The following PACS2 variants were observed in gnomAD, a reference collection of about 807,000 sequenced individuals.
PACS2 encodes PACS1-like protein.
Under a neutral mutation model 113.0 loss-of-function variants are expected in PACS2, and 36 were observed. The observed-to-expected ratio is 0.32, with a 90% CI of 0.24 to 0.42. PACS2 has a LOEUF of 0.42. Ranked by LOEUF, PACS2 falls within the 10% of genes least tolerant of loss-of-function variation. PACS2 has a pLI of 1.00. For synonymous variants in PACS2, 589 were observed against 536.1 expected (o/e 1.10, Z -1.36); for missense variants, 1,015 against 1,239.5 (o/e 0.82, Z 2.72).
rs185181549 is a variant in PACS2, at chr14:105,357,023, G to T, written c.423+1846G>T. On this transcript the variant is annotated intron_variant, in intron 4 of 24. Transcript: ENST00000447393. This position sits in a 1 kb window ranked among gnomAD's most constrained non-coding sequence, Gnocchi z 5.1. ...TGCTGGTCCCTGTGTAGCCATGCAGGTGATGTCCTGCTGATCCCTGCCGGT... is the reference window on the plus strand; with the variant it reads ...TGCTGGTCCCTGTGTAGCCATGCAGTTGATGTCCTGCTGATCCCTGCCGGT... Among the ~76,000 whole-genome samples the T allele has an allele frequency of 1.2e-4, 18 of 152,206 alleles. No individual in the cohort carries two copies. Among genetic ancestry groups the T allele is most frequent in the Admixed American group, 1.2e-3 (18 of 15,290 alleles).
intron 14 of PACS2, 32 bp from the exon 15 acceptor site, chr14:105,382,775 G>A: frequency 2.8e-6 from 4 of 1,412,988 alleles, no homozygotes; most frequent in Non-Finnish European, 3.9e-6. Context: ...GGGCGGCTGT[G>A]CCGAAGTCAG....
In PACS2 at chr14:105,305,656, A is replaced by T. The variant is rs1018810267; in HGVS notation, c.-83+4677A>T. Among the ~76,000 whole-genome samples the T allele has an allele frequency of 3.3e-5, 5 of 152,376 alleles. No homozygotes were observed. The East Asian group carries it at 5.8e-4, about 18-fold the overall frequency. On this transcript the variant is annotated intron_variant, in intron 1 of 23. Coordinates refer to the PACS2 transcript ENST00000430725. ...CTCCCCACGTGATGTGAAGGCATAA[A>T]GAATGGAGCCAGGTTAGAGGGAGAA... is the stretch of plus-strand genomic sequence containing the variant.
rs1475338298 is a variant in PACS2, at chr14:105,356,176, C to T, written c.423+999C>T. ...TAGCTGGTTCCCCCACACCCCCAGG[C>T]CCAGCCTGCAGGCCTCCTGTCTCCC... On this transcript the variant is annotated intron_variant, in intron 4 of 24. Transcript: ENST00000447393. This position sits in a 1 kb window ranked among gnomAD's most constrained non-coding sequence, Gnocchi z 4.0. Among the ~76,000 whole-genome samples, 4 of 152,130 alleles carry T rather than the reference C, an allele frequency of 2.6e-5. No individual in the cohort carries two copies. Among genetic ancestry groups the T allele is most frequent in the South Asian group, 2.1e-4 (1 of 4,830 alleles).
At chr14:105,318,512 G>A (rs2058752869) in intron 1 of PACS2, among the ~76,000 whole-genome samples, 1 of 152,060 alleles carries the variant, frequency 6.6e-6, no homozygotes, top group African/African-American at 2.4e-5. Context: ...GGAGTGCAGT[G>A]GTGCAATCTC....
chr14:105,318,111 T>C (rs1234074246), intron 1 of PACS2, among the ~76,000 whole-genome samples: 1 of 152,226 alleles, frequency 6.6e-6, no homozygotes, highest in Admixed American at 6.5e-5. Context: ...TGATTGTTTT[T>C]TCGGTTGATG....
At chr14:105,391,519 C>A in intron 21 of PACS2, 112 bp from the exon 22 acceptor site, 3 of 682,240 alleles carry the variant, frequency 4.4e-6, no homozygotes, top group Non-Finnish European at 7.4e-6. Context: ...GACTCCCACC[C>A]TGCCCACCCC....
In PACS2 at chr14:105,384,363, C is replaced by G. The variant is rs142208648; in HGVS notation, c.1791C>G (p.Pro597=). The G allele has an allele frequency of 1.2e-6, 2 of 1,607,974 alleles. No individual in the cohort carries two copies. Among genetic ancestry groups the G allele is most frequent in the South Asian group, 1.1e-5 (1 of 90,984 alleles). Residue 597 remains proline, a synonymous_variant, in exon 17 of 25, where the codon CCC becomes CCG. Coordinates refer to ENST00000447393, the MANE Select transcript of PACS2 (RefSeq NM_001100913.3). Reference sequence around the variant, plus strand: ...ACCCCTGGCATGCAGGCTCCCACCCCGTGGCCAGGTACCTAGGCTCCGTGG... The same window carrying G: ...ACCCCTGGCATGCAGGCTCCCACCCGGTGGCCAGGTACCTAGGCTCCGTGG... ...RFLVIPLGSH[P]VARYLGSVDY... is the part of the protein sequence containing the mutation.
Position 105,354,661 on chromosome 14 carries a change from G to T in PACS2, c.298-391G>T, listed in dbSNP as rs1386460416. 1.3e-5 allele frequency among the ~76,000 whole-genome samples: 2 copies of T among 152,322 alleles called. No individual in the cohort carries two copies. The highest frequency in any genetic ancestry group is 3.9e-4 in the East Asian group (2 of 5,192). ...GCCCTCCCCGCCCTGTGTGCCCCTC[G>T]CGGAAAAGCGTCCTGGGTCCCACCT... On this transcript the variant is annotated intron_variant, in intron 3 of 24. Transcript: ENST00000447393. This position sits in a 1 kb window ranked among gnomAD's most constrained non-coding sequence, Gnocchi z 4.2.
At position 105,376,972 on chromosome 14, in the gene PACS2, C is replaced by A. The variant is rs782513815; in HGVS notation, c.959+47C>A. ...GGGGAGGAACAGCCATTTCAGATGC[C>A]CCGGCCACTCTGCGACCACTCTGGC... On this transcript the variant is annotated intron_variant, in intron 9 of 24. Transcript: ENST00000447393. This position sits in a 1 kb window ranked among gnomAD's most constrained non-coding sequence, Gnocchi z 4.7. The A allele has an allele frequency of 3.1e-5, 47 of 1,534,872 alleles. 1 individual carries two copies. In the South Asian group the frequency reaches 3.3e-4, roughly 11 times the overall value.
intron 1 of PACS2, among the ~76,000 whole-genome samples, chr14:105,343,896 A>C (rs928874616): frequency 3.2e-4 from 49 of 151,718 alleles, no homozygotes; most frequent in Non-Finnish European, 5.0e-4. Context: ...CTGAGAGTTC[A>C]TATATTTATA....
intron 4 of PACS2, among the ~76,000 whole-genome samples, chr14:105,362,807 C>T (rs1555406968): frequency 6.6e-6 from 1 of 152,084 alleles, no homozygotes; most frequent in African/African-American, 2.4e-5. Context: ...GCCAAGATCG[C>T]GTCATTGCAC....
chr14:105,314,048 C>A (rs1193671423), upstream of PACS2, among the ~76,000 whole-genome samples: 1 of 152,272 alleles, frequency 6.6e-6, no homozygotes, highest in East Asian at 1.9e-4. Context: ...GCAAAGAGGG[C>A]GCCCGGGGTC....
In PACS2 at chr14:105,340,810, T is replaced by TAGAA. The variant is rs1555401422; in HGVS notation, c.120-7683_120-7682insAGAA. Among the ~76,000 whole-genome samples the TAGAA allele has an allele frequency of 1.3e-5, 2 of 152,244 alleles. No homozygotes were observed. Among genetic ancestry groups the TAGAA allele is most frequent in the Non-Finnish European group, 1.5e-5 (1 of 68,040 alleles). ...GCATCTCCTGTCCTGGCTTGGCTTC[T>TAGAA]GCCCCTGGGTCCGTGGTGGCTGCCT... On this transcript the variant is annotated intron_variant, in intron 1 of 24. Coordinates refer to ENST00000447393, the MANE Select transcript of PACS2 (RefSeq NM_001100913.3). This position sits in a 1 kb window ranked among gnomAD's most constrained non-coding sequence, Gnocchi z 4.2.
chr14:105,312,833 G>T (rs2058381295), upstream of PACS2, among the ~76,000 whole-genome samples: 1 of 152,182 alleles, frequency 6.6e-6, no homozygotes, highest in Non-Finnish European at 1.5e-5. Context: ...GTGACACATG[G>T]TGTGTTTCGT....
chr14:105,314,598 C>A (rs1460726610), upstream of PACS2: 4 of 144,172 alleles, frequency 2.8e-5, no homozygotes, highest in Non-Finnish European at 6.2e-5. Context: ...CGCGCTGCGC[C>A]GGCGGCGATT....
At chr14:105,368,935 G>A (rs1178321599) in intron 7 of PACS2, among the ~76,000 whole-genome samples, 3 of 152,244 alleles carry the variant, frequency 2.0e-5, no homozygotes, top group Non-Finnish European at 4.4e-5. Flanking sequence ...ACGGTCCCCA[G>A]GAGCTTGGCA....
chr14:105,312,011 T>C (rs962635310), upstream of PACS2, among the ~76,000 whole-genome samples: 1 of 152,208 alleles, frequency 6.6e-6, no homozygotes, highest in Non-Finnish European at 1.5e-5. Context: ...GTAGGGGCGC[T>C]GTGGGCTGGA....
chr14:105,385,733 T>C lies in PACS2; in HGVS notation c.2033+16T>C. ...TTACCCTAAGGTACGGCTCTGTGGG[T>C]CTGCCTCCCACCCTGTCTGTCCCCA... On this transcript the variant is annotated intron_variant, in intron 19 of 24. Coordinates refer to ENST00000447393, the MANE Select transcript of PACS2 (RefSeq NM_001100913.3). 1 of 1,487,410 alleles carries C rather than the reference T, an allele frequency of 6.7e-7. No individual in the cohort carries two copies. Among genetic ancestry groups the C allele is most frequent in the Non-Finnish European group, 9.0e-7 (1 of 1,114,816 alleles). The allele number at this position is 1,487,410 out of a possible 1,614,324, so 92.1% of individuals were successfully genotyped here.
Position 105,383,384 on chromosome 14 carries a change from A to G in PACS2, c.1651A>G (p.Thr551Ala), listed in dbSNP as rs1555412660. 6.2e-7 allele frequency: 1 copy of G among 1,608,354 alleles called. No individual in the cohort carries two copies. Among genetic ancestry groups the G allele is most frequent in the East Asian group, 2.2e-5 (1 of 44,856 alleles). ...RYCNCNSQPP[T>A]PVKIAVAGAQ... ...CTGCAACTGCAATTCCCAGCCCCCG[A>G]CCCCCGTGAAGATCGCCGTGGCGGG... The change falls in exon 16 of 25, where the codon ACC (threonine) becomes GCC (alanine). Residue 551 changes from threonine to alanine, a missense_variant. Thr to Ala is a moderately conservative substitution (Grantham distance 58). Around this residue, in one of 3 missense-constraint regions of PACS2, gnomAD observed 859 missense variants for 1,056.8 expected, o/e 0.81. Transcript: ENST00000447393.
Sources: allele counts gnomAD v4.1 joint callset (sites outside exome capture counted in the v4.1 genomes callset), GRCh38; gene constraint gnomAD v4.1.1; regional missense constraint gnomAD v4.1.1; non-coding constraint Gnocchi (gnomAD v3.1); transcripts MANE v1.5; gene names NCBI Gene and HGNC (gene_info 2026-07-23, HGNC 2026-07-21).